The following LAMA3 variants were observed in gnomAD, a reference collection of about 807,000 sequenced individuals.
The protein encoded by LAMA3 is laminin subunit alpha-3.
LAMA3 carries 281 observed loss-of-function variants against 402.0 expected under a neutral mutation model. That is an observed-to-expected ratio of 0.70 (90% CI 0.63 to 0.77). The LOEUF is 0.77. LAMA3 is among the 30% of genes least tolerant of loss of function. The pLI is 0.00. For missense variants in LAMA3, 3,840 were observed against 4,215.5 expected, an observed-to-expected ratio of 0.91 and a Z score of 2.47; for synonymous variants, 1,431 against 1,558.4, an observed-to-expected ratio of 0.92 and a Z score of 1.93.
intron 73 of LAMA3, among the ~76,000 whole-genome samples, chr18:23,952,180 T>A (rs1415844198): frequency 6.6e-6 from 1 of 152,248 alleles, no homozygotes; most frequent in Admixed American, 6.5e-5. Flanking sequence ...TTCGGTTTCC[T>A]CTTCTGTAAA....
intron 47 of LAMA3, 87 bp downstream of exon 47, chr18:23,899,542 A>G: frequency 7.5e-7 from 1 of 1,339,930 alleles, no homozygotes. Flanking sequence ...GTTCCCCGTT[A>G]TAGGTGGAAG....
chr18:23,809,688 C>T (rs1186996128), intron 12 of LAMA3, among the ~76,000 whole-genome samples: 1 of 152,142 alleles, frequency 6.6e-6, no homozygotes, highest in African/African-American at 2.4e-5. Context: ...CATCACTTAG[C>T]CAAAGATCAT....
chr18:23,828,052 G>T (rs1267100248), intron 23 of LAMA3, among the ~76,000 whole-genome samples: 2 of 152,144 alleles, frequency 1.3e-5, no homozygotes, highest in Admixed American at 6.5e-5. Flanking sequence ...TTTCAGATTC[G>T]AGTTAGAGCT....
intron 12 of LAMA3, among the ~76,000 whole-genome samples, chr18:23,785,834 T>A (rs1418471184): frequency 6.6e-6 from 1 of 152,218 alleles, no homozygotes; most frequent in Non-Finnish European, 1.5e-5. Flanking sequence ...ATATTCTAAC[T>A]TATTCATATG....
intron 32 of LAMA3, among the ~76,000 whole-genome samples, chr18:23,856,071 AG>A (rs1412024164): frequency 6.6e-6 from 1 of 152,222 alleles, no homozygotes; most frequent in East Asian, 1.9e-4. Flanking sequence ...CCTGTGAAGT[AG>A]ATATTGTTAC....
rs148292143 is a variant in LAMA3 at position 23,933,827 on chromosome 18, C to A, written c.8754C>A (p.Leu2918=). The change falls in exon 67 of 75, where the codon CTC becomes CTA. Residue 2918 remains leucine, a synonymous_variant. Transcript: ENST00000313654. ...PEVLDLTSNS[L]KRDVSLGGCS... is the part of the protein sequence containing the mutation. ...TCCTAGATTTGACCAGTAACTCTCT[C>A]AAGAGAGATGTGTCCCTGGGAGGCT... 2.0e-5 allele frequency: 33 copies of A among 1,614,008 alleles called. No individual in the cohort carries two copies. In the African/African-American group the frequency reaches 4.0e-4, roughly 20 times the overall value.
intron 12 of LAMA3, among the ~76,000 whole-genome samples, chr18:23,807,156 C>T (rs549017942): frequency 1.3e-5 from 2 of 152,210 alleles, no homozygotes; most frequent in South Asian, 4.2e-4. Context: ...CCAGAAACCC[C>T]CAAACCAATT....
rs776221669 is a variant in LAMA3, at chr18:23,827,388, T to C, written c.2744T>C (p.Leu915Pro). The C allele has an allele frequency of 5.0e-6, 8 of 1,614,130 alleles. No individual in the cohort carries two copies. The highest frequency in any genetic ancestry group is 1.1e-5 in the South Asian group (1 of 91,088). The change falls in exon 23 of 75, where the codon CTT becomes CCT. Residue 915 changes from leucine (L) to proline (P), a missense_variant. Around this residue, in one of 3 missense-constraint regions of LAMA3, gnomAD observed 2,109 missense variants for 2,376.0 expected, o/e 0.89. Coordinates refer to ENST00000313654, the MANE Select transcript of LAMA3 (RefSeq NM_198129.4). Reference sequence around the variant, plus strand: ...GCTTGTGAGGCCAGACACTTCCTGCTTGATGGGGAGCCAAGACCCGTGGCA... The same window carrying C: ...GCTTGTGAGGCCAGACACTTCCTGCCTGATGGGGAGCCAAGACCCGTGGCA... ...TLACEARHFLLDGEPRPVAVR... is the reference protein window; with the variant it reads ...TLACEARHFLPDGEPRPVAVR...
chr18:23,861,238 C>G (rs927244141), intron 34 of LAMA3, among the ~76,000 whole-genome samples: 1 of 152,000 alleles, frequency 6.6e-6, no homozygotes, highest in African/African-American at 2.4e-5. Flanking sequence ...TTTTGATGCT[C>G]CATTTAGAGA....
intron 36 of LAMA3, among the ~76,000 whole-genome samples, chr18:23,865,178 G>A (rs2064325699): frequency 6.6e-6 from 1 of 152,108 alleles, no homozygotes; most frequent in Non-Finnish European, 1.5e-5. Flanking sequence ...TATCTTTGTA[G>A]AGACAGGGTC....
At chr18:23,778,652 A>T (rs1288884960) in intron 11 of LAMA3, among the ~76,000 whole-genome samples, 1 of 152,184 alleles carries the variant, frequency 6.6e-6, no homozygotes, top group Non-Finnish European at 1.5e-5. Context: ...CACACAGCCC[A>T]CGACTGGGCA....
chr18:23,939,802 T>C lies in LAMA3; in HGVS notation c.9026+416T>C, dbSNP rs189617619. On this transcript the variant is annotated intron_variant, in intron 68 of 74. Transcript: ENST00000313654. ...ATAGATCATTTTTAGAGAATACATT[T>C]GGCCTTTTTGCGCTAACAAGTTGCA... Among the ~76,000 whole-genome samples the C allele has an allele frequency of 2.0e-5, 3 of 152,368 alleles. No individual in the cohort carries two copies. The East Asian group carries it at 5.8e-4, about 29-fold the overall frequency.
rs1029479939 is a variant in LAMA3 at position 23,918,429 on chromosome 18, T to G, written c.7923+1734T>G. On this transcript the variant is annotated intron_variant, in intron 60 of 74. Transcript: ENST00000313654. This position sits in a 1 kb window ranked among gnomAD's most constrained non-coding sequence, Gnocchi z 4.1. Reference sequence around the variant, plus strand: ...AAAACTTCCTGGGATCTCTAAGATCTAGACTGACTTCCTGCTGTTTCTGTC... The same window carrying G: ...AAAACTTCCTGGGATCTCTAAGATCGAGACTGACTTCCTGCTGTTTCTGTC... 3.9e-5 allele frequency among the ~76,000 whole-genome samples: 6 copies of G among 152,232 alleles called. No individual in the cohort carries two copies. The highest frequency in any genetic ancestry group is 1.2e-4 in the African/African-American group (5 of 41,468).
intron 1 of LAMA3, among the ~76,000 whole-genome samples, chr18:23,693,409 T>A (rs922370253): frequency 2.6e-5 from 4 of 152,214 alleles, no homozygotes; most frequent in Non-Finnish European, 5.9e-5. Context: ...TCTTTCTTAG[T>A]ATGGCTTTGA....
intron 1 of LAMA3, among the ~76,000 whole-genome samples, chr18:23,705,155 G>C (rs1381583850): frequency 1.3e-5 from 2 of 152,110 alleles, no homozygotes; most frequent in Non-Finnish European, 2.9e-5. Flanking sequence ...TCTCTGTCTA[G>C]AATGGCATTT....
intron 32 of LAMA3, among the ~76,000 whole-genome samples, chr18:23,853,991 C>G (rs182792076): frequency 2.0e-5 from 3 of 152,356 alleles, no homozygotes; most frequent in Admixed American, 6.5e-5. Context: ...TTGCAGTACT[C>G]AAGAATATAG....
rs60711151 is a variant in LAMA3, at chr18:23,884,047, GGTGTGTGTGTGTGT to G, written c.5223-687_5223-674del. 2.1e-3 allele frequency among the ~76,000 whole-genome samples: 291 copies of G among 138,888 alleles called. 4 individuals are homozygous for G. The highest frequency in any genetic ancestry group is 2.9e-3 in the African/African-American group (111 of 38,178). 91.1% of individuals were successfully genotyped at this position (138,888 alleles called of 152,430 possible). A position where few individuals can be genotyped will look rare whatever the true frequency, so the allele number is the denominator to read the frequency against. ...AACAGGGCTTTTTCATGGTCTCTTT[GGTGTGTGTGTGTGT>G]GTGTGTGTGTGTGTGTGTGTGTGTG... On this transcript the variant is annotated intron_variant, in intron 40 of 74. Transcript: ENST00000313654.
At chr18:23,856,643 G>A (rs915030324) in intron 32 of LAMA3, among the ~76,000 whole-genome samples, 6 of 152,124 alleles carry the variant, frequency 3.9e-5, no homozygotes, top group Non-Finnish European at 8.8e-5. Flanking sequence ...ACCTGCAGAT[G>A]GTTGAGGGTG....
At position 23,912,823 on chromosome 18, in the gene LAMA3, A is replaced by G; in HGVS notation, c.7271A>G (p.Asn2424Ser). 1 of 1,614,050 alleles carries G rather than the reference A, an allele frequency of 6.2e-7. No homozygotes were observed. Among genetic ancestry groups the G allele is most frequent in the Non-Finnish European group, 8.5e-7 (1 of 1,179,868 alleles). Residue 2424 changes from asparagine (N) to serine (S), a missense_variant, in exon 56 of 75, where the codon AAC (asparagine) becomes AGC (serine). Transcript: ENST00000313654. ...CTGTCCTTGTTTCTCCAAAGGCCCA[A>G]CTCAAGAGAAAATGGGGGTACTGAG... Reference protein sequence around the residue: ...TSLSLFLQRPNSRENGGTENM... With the variant: ...TSLSLFLQRPSSRENGGTENM...
Sources: gnomAD v4.1 joint callset for allele counts (sites outside exome capture counted in the v4.1 genomes callset) on GRCh38, gnomAD v4.1.1 for gene constraint, gnomAD v4.1.1 regional missense constraint, Gnocchi (gnomAD v3.1) non-coding constraint, MANE v1.5 for transcripts, NCBI Gene and HGNC (gene_info 2026-07-23, HGNC 2026-07-21) for gene names.